Variants in SLC4A11 observed in about 807,000 individuals in gnomAD.
SLC4A11 encodes the protein solute carrier family 4 member 11.
In SLC4A11, 74 loss-of-function variants were observed where a neutral mutation model predicts 95.0. The observed-to-expected ratio is 0.78, with a 90% CI of 0.65 to 0.95. SLC4A11 has a LOEUF of 0.95. Among genes scored for constraint, SLC4A11 ranks in the 40% least tolerant of loss-of-function variants. The pLI, the probability that SLC4A11 is intolerant of heterozygous loss-of-function variation, is 0.00. For synonymous variants in SLC4A11, 548 were observed against 519.0 expected, an observed-to-expected ratio of 1.06 and a Z score of -0.76; for missense variants, 1,081 against 1,192.4, an observed-to-expected ratio of 0.91 and a Z score of 1.38.
chr20:3,230,024 G>A (rs1372522311), intron 13 of SLC4A11, among the ~76,000 whole-genome samples, 163 bp downstream of exon 13: 1 of 152,164 alleles, frequency 6.6e-6, no homozygotes, highest in Non-Finnish European at 1.5e-5. Context: ...CAGCGTGGAG[G>A]GCTCTGCCCT....
In SLC4A11 at chr20:3,228,569, G is replaced by T. The variant is rs1568527712; in HGVS notation, c.2331C>A (p.Leu777=). ...CGAGCTGGTTGCCATCGAGGGAGGT[G>T]AGCGCGATGTAGAGGAAGAGGCCAT... is the stretch of plus-strand genomic sequence containing the variant. The part of the protein sequence containing the change: ...VLYGLFLYIA[L]TSLDGNQLVQ... The change falls in exon 18 of 20, where the codon CTC becomes CTA. Residue 777 remains leucine (L), a synonymous_variant. Transcript: ENST00000642402. 6.2e-7 allele frequency: 1 copy of T among 1,613,254 alleles called. No homozygotes were observed. The highest frequency in any genetic ancestry group is 8.5e-7 in the Non-Finnish European group (1 of 1,179,952).
chr20:3,229,316 C>T lies in SLC4A11; in HGVS notation c.1849+30G>A, dbSNP rs773461485. On this transcript the variant is annotated intron_variant, in intron 15 of 19. Coordinates refer to ENST00000642402, the MANE Select transcript of SLC4A11 (RefSeq NM_001174089.2). The stretch of plus-strand genomic sequence containing the variant: ...GCCTGCAGCGCCTGGGGAGCTACCC[C>T]ACGTCACCCACCGCCCGGCCCCAAC... 4 of 1,612,940 alleles carry T rather than the reference C, an allele frequency of 2.5e-6. No individual in the cohort carries two copies. In the African/African-American group the frequency reaches 5.3e-5, roughly 22 times the overall value.
intron 17 of SLC4A11, 58 bp from the exon 18 acceptor site, chr20:3,228,765 C>T (rs2067635356): frequency 6.2e-7 from 1 of 1,612,610 alleles, no homozygotes; most frequent in Non-Finnish European, 8.5e-7. Context: ...GGGCCTCACT[C>T]CTCCCTATGT....
Position 3,234,624 on chromosome 20 carries a change from G to A in SLC4A11, c.242-7C>T, listed in dbSNP as rs767621303. 6.2e-6 allele frequency: 10 copies of A among 1,613,720 alleles called. No individual in the cohort carries two copies. The Admixed American group carries it at 1.0e-4, about 16-fold the overall frequency. On this transcript the variant is annotated splice_polypyrimidine_tract_variant and splice_region_variant and intron_variant, in intron 3 of 19. Coordinates refer to ENST00000642402, the MANE Select transcript of SLC4A11 (RefSeq NM_001174089.2). The surrounding 1 kb of genome is among the most constrained non-coding windows in gnomAD (Gnocchi z 5.8). ...CCGGAAGTCGCTTCATTCTCTGCCG[G>A]AGAAAAGCGGGGAGGGCTCAGGGTG...
rs187109398 is a variant in SLC4A11, at chr20:3,233,956, T to C, written c.570A>G (p.Thr190=). Residue 190 remains threonine (T), a synonymous_variant, in exon 6 of 20, where the codon ACA becomes ACG. Coordinates refer to ENST00000642402, the MANE Select transcript of SLC4A11 (RefSeq NM_001174089.2). ...GCCACGACTGCTGGTACCGCACCCC[T>C]GTCACTGTGGCGGTGACCCCTTGGA... ...DTIQGVTATV[T]GVRYQQSWLC... is the part of the protein sequence containing the mutation. The C allele has an allele frequency of 1.2e-6, 2 of 1,613,700 alleles. No homozygotes were observed. Among genetic ancestry groups the C allele is most frequent in the Non-Finnish European group, 1.7e-6 (2 of 1,179,974 alleles).
Position 3,234,080 on chromosome 20 carries a change from C to T in SLC4A11, c.523+3G>A, listed in dbSNP as rs1387224264. On this transcript the variant is annotated splice_donor_region_variant and intron_variant, in intron 5 of 19. Coordinates refer to ENST00000642402, the MANE Select transcript of SLC4A11 (RefSeq NM_001174089.2). This position sits in a 1 kb window ranked among gnomAD's most constrained non-coding sequence, Gnocchi z 5.8. ...CCCGCCCGGGCCGGGAGACCGGCCT[C>T]ACCTTTACCCCGCATGGGTGCCCCG... 6.2e-7 allele frequency: 1 copy of T among 1,613,936 alleles called. No individual in the cohort carries two copies. The highest frequency in any genetic ancestry group is 1.1e-5 in the South Asian group (1 of 91,092).
In SLC4A11 at chr20:3,227,509, T is replaced by G. The variant is rs1035411164; in HGVS notation, c.*278A>C. On this transcript the variant is annotated 3_prime_UTR_variant, in exon 20 of 20. Coordinates refer to ENST00000642402, the MANE Select transcript of SLC4A11 (RefSeq NM_001174089.2). ...AATGGTTTCTCTTTCAGGCATCGAC[T>G]CTTTTATCAAAAGAAAATCCATCCT... 6 of 508,648 alleles carry G rather than the reference T, an allele frequency of 1.2e-5. No individual in the cohort carries two copies. Among genetic ancestry groups the G allele is most frequent in the Non-Finnish European group, 2.1e-5 (6 of 279,622 alleles). 31.5% of individuals were successfully genotyped at this position (508,648 alleles called of 1,614,324 possible).
chr20:3,229,058 G>A (rs770465378), intron 16 of SLC4A11, 37 bp downstream of exon 16: 14 of 1,551,910 alleles, frequency 9.0e-6, no homozygotes, highest in Middle Eastern at 2.2e-4. Flanking sequence ...GCAGAGGCCC[G>A]GGCCCCGCCC....
upstream of SLC4A11, chr20:3,239,446 G>C: frequency 1.9e-6 from 2 of 1,046,292 alleles, no homozygotes; most frequent in Non-Finnish European, 2.3e-6. Flanking sequence ...TGTGCGCGCC[G>C]GACCCAGCAG....
Position 3,234,934 on chromosome 20 carries a change from T to C in SLC4A11, c.89-40A>G. 4.3e-6 allele frequency: 7 copies of C among 1,612,734 alleles called. No homozygotes were observed. Among genetic ancestry groups the C allele is most frequent in the Non-Finnish European group, 5.9e-6 (7 of 1,179,530 alleles). On this transcript the variant is annotated intron_variant, in intron 2 of 19. Coordinates refer to ENST00000642402, the MANE Select transcript of SLC4A11 (RefSeq NM_001174089.2). The surrounding 1 kb of genome is among the most constrained non-coding windows in gnomAD (Gnocchi z 5.8). ...GAGCAAGAGGGCCTGGCTGTTAAAG[T>C]GCCACACACAGGAAGGAGGGGCTCC...
chr20:3,233,283 G>A (rs551726330), intron 7 of SLC4A11, among the ~76,000 whole-genome samples: 13 of 152,294 alleles, frequency 8.5e-5, no homozygotes, highest in African/African-American at 3.1e-4. Context: ...AGGGATAGTG[G>A]TCAAAAGCGT....
downstream of SLC4A11, chr20:3,227,417 T>G (rs907374412): frequency 3.4e-6 from 1 of 296,600 alleles, no homozygotes; most frequent in Admixed American, 4.3e-5. Flanking sequence ...AGGTGGCACA[T>G]AGGAGCCTAG....
rs762030562 is a variant in SLC4A11, at chr20:3,234,089, C to T, written c.517G>A (p.Gly173Ser). 1.2e-6 allele frequency: 2 copies of T among 1,613,932 alleles called. No individual in the cohort carries two copies. Among genetic ancestry groups the T allele is most frequent in the Non-Finnish European group, 1.7e-6 (2 of 1,180,020 alleles). ...LFTDAGAPMR[G>S]KVHLLSDTIQ... ...GCCGGGAGACCGGCCTCACCTTTAC[C>T]CCGCATGGGTGCCCCGGCATCGGTG... Residue 173 changes from glycine (G) to serine (S), a missense_variant, in exon 5 of 20, where the codon GGT becomes AGT. Physicochemically the swap from Gly to Ser is moderately conservative, Grantham distance 56 (BLOSUM62 0). This residue lies in a region of SLC4A11 where 310 missense variants were observed against 313.5 expected (regional missense o/e 0.99). Coordinates refer to ENST00000642402, the MANE Select transcript of SLC4A11 (RefSeq NM_001174089.2). The surrounding 1 kb of genome is among the most constrained non-coding windows in gnomAD (Gnocchi z 5.8).
intron 19 of SLC4A11, among the ~76,000 whole-genome samples, 183 bp from the exon 20 acceptor site, chr20:3,228,039 C>G (rs1400510522): frequency 2.1e-4 from 26 of 123,822 alleles, no homozygotes; most frequent in African/African-American, 4.9e-4. Flanking sequence ...CCCACCCCAG[C>G]CCGCCCACTC....
intron 1 of SLC4A11, chr20:3,238,302 G>T: frequency 1.7e-6 from 2 of 1,201,106 alleles, no homozygotes. Context: ...GCTGTCGGAG[G>T]AAGGAAGCGA....
intron 1 of SLC4A11, chr20:3,238,846 T>A (rs1057241444): frequency 8.3e-7 from 1 of 1,209,162 alleles, no homozygotes; most frequent in East Asian, 3.6e-5. Flanking sequence ...TGTTCAAACC[T>A]GGTAAGAAAT....
rs1049184190 is a variant in SLC4A11, at chr20:3,238,143, G to A, written c.44-555C>T. On this transcript the variant is annotated intron_variant, in intron 1 of 19. Coordinates refer to ENST00000642402, the MANE Select transcript of SLC4A11 (RefSeq NM_001174089.2). The stretch of plus-strand genomic sequence containing the variant: ...GACAGGCAACGGTCTCCAGTCCTGG[G>A]ACCGCGTCCCGGCCGCCTGGAAGCC... The A allele has an allele frequency of 1.1e-5, 16 of 1,446,174 alleles. No individual in the cohort carries two copies. The East Asian group carries it at 4.0e-4, about 36-fold the overall frequency. 89.6% of individuals were successfully genotyped at this position (1,446,174 alleles called of 1,614,324 possible). A position where few individuals can be genotyped will look rare whatever the true frequency, so the allele number is the denominator to read the frequency against.
Position 3,227,735 on chromosome 20 carries a change from G to C in SLC4A11, c.*52C>G. 6.3e-7 allele frequency: 1 copy of C among 1,589,880 alleles called. No individual in the cohort carries two copies. Among genetic ancestry groups the C allele is most frequent in the Non-Finnish European group, 8.6e-7 (1 of 1,162,564 alleles). The stretch of plus-strand genomic sequence containing the variant: ...ACCTCCCCTCACAGCTCCAGAGCCA[G>C]CCTGGGAGGACGTGGAGGGCTGGCG... On this transcript the variant is annotated 3_prime_UTR_variant, in exon 20 of 20. Coordinates refer to ENST00000642402, the MANE Select transcript of SLC4A11 (RefSeq NM_001174089.2).
At chr20:3,229,980 G>A (rs770659511) in intron 13 of SLC4A11, among the ~76,000 whole-genome samples, 4 of 152,052 alleles carry the variant, frequency 2.6e-5, no homozygotes, top group Non-Finnish European at 5.9e-5. Context: ...CTGCCCCCAC[G>A]GCTGGTCCCA....
Sources: gnomAD v4.1 joint callset for allele counts (sites outside exome capture counted in the v4.1 genomes callset) on GRCh38, gnomAD v4.1.1 for gene constraint, gnomAD v4.1.1 regional missense constraint, Gnocchi (gnomAD v3.1) non-coding constraint, MANE v1.5 for transcripts, NCBI Gene and HGNC (gene_info 2026-07-23, HGNC 2026-07-21) for gene names.